Variants in DAB2 observed in about 807,000 individuals in gnomAD.
DAB2 encodes the protein disabled homolog 2.
In DAB2, 28 loss-of-function variants were observed where a neutral mutation model predicts 71.6. The ratio of observed to expected loss-of-function variants is 0.39; its 90% confidence interval spans 0.29 to 0.54. The LOEUF (loss-of-function observed/expected upper bound fraction) is 0.54. DAB2 is among the 20% of genes least tolerant of loss of function. The pLI is 0.68. For missense variants in DAB2, 867 were observed against 928.8 expected (o/e 0.93, Z 0.86); for synonymous variants, 345 against 339.7 (o/e 1.02, Z -0.17).
At chr5:39,385,895 A>G (rs1177558441) in intron 9 of DAB2, among the ~76,000 whole-genome samples, 1 of 152,082 alleles carries the variant, frequency 6.6e-6, no homozygotes, top group Non-Finnish European at 1.5e-5. Context: ...TTTCCTACAC[A>G]CTTCAAAGAC....
chr5:39,389,333 G>A (rs1035886369), intron 6 of DAB2, among the ~76,000 whole-genome samples: 4 of 151,910 alleles, frequency 2.6e-5, no homozygotes, highest in African/African-American at 9.7e-5. Flanking sequence ...ATATTTCCTA[G>A]AATTAATATG....
chr5:39,376,515 TA>T, intron 12 of DAB2, 134 bp downstream of exon 12: 1 of 1,052,652 alleles, frequency 9.5e-7, no homozygotes, highest in Non-Finnish European at 1.4e-6. Flanking sequence ...GTTGTCTCCG[TA>T]ACCCTTGATT....
intron 11 of DAB2, among the ~76,000 whole-genome samples, chr5:39,381,020 G>T (rs944403716): frequency 6.6e-6 from 1 of 152,122 alleles, no homozygotes; most frequent in African/African-American, 2.4e-5. Context: ...TCCTTCTTGG[G>T]CATATATTCC....
intron 10 of DAB2, among the ~76,000 whole-genome samples, 171 bp from the exon 11 acceptor site, chr5:39,381,787 A>G (rs1388330251): frequency 6.6e-6 from 1 of 152,222 alleles, no homozygotes; most frequent in Admixed American, 6.5e-5. Context: ...CCTCCAAAAA[A>G]AGACACAGAT....
rs1754800615 is a variant in DAB2 at position 39,375,354 on chromosome 5, A to T, written c.2248-270T>A. ...CACAGGCTATAGAAATATTGTTGGA[A>T]AATTAAGAACTTAAATTTTTGAAAG... is the stretch of plus-strand genomic sequence containing the variant. On this transcript the variant is annotated intron_variant, in intron 13 of 14. Coordinates refer to ENST00000320816, the MANE Select transcript of DAB2 (RefSeq NM_001343.4). 2.0e-5 allele frequency among the ~76,000 whole-genome samples: 3 copies of T among 152,192 alleles called. No individual in the cohort carries two copies. In the South Asian group the frequency reaches 6.2e-4, roughly 31 times the overall value.
chr5:39,403,716 A>ATTTTTTTTTTTTTT (rs60449035), intron 1 of DAB2, among the ~76,000 whole-genome samples: 1 of 135,298 alleles, frequency 7.4e-6, no homozygotes, highest in Non-Finnish European at 1.6e-5. Flanking sequence ...TTTTTTTGGA[A>ATTTTTTTTTTTTTT]TTTTTTTTTT....
Position 39,376,904 on chromosome 5 carries a change from G to C in DAB2, c.1883C>G (p.Pro628Arg). ...GGCATCACTGGAGATGTCCTTGGGA[G>C]GGCCAGCTCTGGGAGGTGGCTGAGG... ...TPPQPPPRAG[P>R]PKDISSDAFT... The change falls in exon 12 of 15, where the codon CCT (proline) becomes CGT (arginine). Residue 628 changes from proline (P) to arginine (R), a missense_variant. Pro to Arg is a moderately radical substitution (Grantham distance 103). Around this residue, in one of 2 missense-constraint regions of DAB2, gnomAD observed 740 missense variants for 734.3 expected, o/e 1.01. Transcript: ENST00000320816. 1 of 1,614,144 alleles carries C rather than the reference G, an allele frequency of 6.2e-7. No individual in the cohort carries two copies. The highest frequency in any genetic ancestry group is 8.5e-7 in the Non-Finnish European group (1 of 1,180,004).
At chr5:39,375,506 C>A (rs1754804554) in intron 13 of DAB2, among the ~76,000 whole-genome samples, 1 of 152,102 alleles carries the variant, frequency 6.6e-6, no homozygotes. Flanking sequence ...AGTTCTTGTG[C>A]AAATAATCTT....
intron 1 of DAB2, among the ~76,000 whole-genome samples, chr5:39,415,254 C>CA (rs780053663): frequency 7.2e-5 from 11 of 152,204 alleles, no homozygotes; most frequent in Admixed American, 2.0e-4. Context: ...AACCACGTTA[C>CA]AATCTGAAGG....
At chr5:39,379,066 A>G (rs938319055) in intron 11 of DAB2, among the ~76,000 whole-genome samples, 5 of 152,218 alleles carry the variant, frequency 3.3e-5, no homozygotes, top group African/African-American at 1.2e-4. Flanking sequence ...TTAGCTGTGC[A>G]AAAAGGAGGG....
At chr5:39,377,330 A>C in intron 11 of DAB2, 48 bp from the exon 12 acceptor site, 1 of 1,557,804 alleles carries the variant, frequency 6.4e-7, no homozygotes, top group Non-Finnish European at 8.7e-7. Flanking sequence ...AGCTTGAAGA[A>C]GATTCTTGAA....
At chr5:39,374,020 G>T (rs934311733) in intron 14 of DAB2, among the ~76,000 whole-genome samples, 1 of 152,112 alleles carries the variant, frequency 6.6e-6, no homozygotes, top group Admixed American at 6.5e-5. Context: ...GGTACTACAG[G>T]AAACACAGTC....
intron 1 of DAB2, among the ~76,000 whole-genome samples, chr5:39,403,715 A>ATTT (rs1302948065): frequency 7.9e-6 from 1 of 126,616 alleles, no homozygotes; most frequent in Non-Finnish European, 1.7e-5. Context: ...GTTTTTTTGG[A>ATTT]ATTTTTTTTT....
rs926714028 is a variant in DAB2 at position 39,388,188 on chromosome 5, G to A, written c.687+117C>T. 90 of 736,028 alleles carry A rather than the reference G, an allele frequency of 1.2e-4. No homozygotes were observed. The Middle Eastern group carries it at 1.5e-3, about 13-fold the overall frequency. 45.6% of individuals were successfully genotyped at this position (736,028 alleles called of 1,614,324 possible). A position where few individuals can be genotyped will look rare whatever the true frequency, so the allele number is the denominator to read the frequency against. On this transcript the variant is annotated intron_variant, in intron 9 of 14. Transcript: ENST00000320816. The stretch of plus-strand genomic sequence containing the variant: ...TCTAAAAACCATTGACACTTCATTT[G>A]CAAAAATCAACAGTCACCTTCCAAG...
At position 39,376,115 on chromosome 5, in the gene DAB2, T is replaced by C. The variant is rs758919999; in HGVS notation, c.2138-9A>G. On this transcript the variant is annotated splice_polypyrimidine_tract_variant and intron_variant, in intron 12 of 14. Transcript: ENST00000320816. ...AGCTGGCTTTGGTGGTTCTAGAAGG[T>C]AAAAAATCCAGGCAATCAGTAGACA... 2.4e-5 allele frequency: 39 copies of C among 1,609,730 alleles called. No individual in the cohort carries two copies. The East Asian group carries it at 3.3e-4, about 14-fold the overall frequency.
chr5:39,381,262 C>T, intron 11 of DAB2, among the ~76,000 whole-genome samples, 192 bp downstream of exon 11: 1 of 152,060 alleles, frequency 6.6e-6, no homozygotes, highest in East Asian at 1.9e-4. Context: ...CCTCGAGGAG[C>T]CAAATGTGAG....
At chr5:39,389,977 T>A (rs1290863046) in intron 5 of DAB2, 45 bp from the exon 6 acceptor site, 1 of 1,295,822 alleles carries the variant, frequency 7.7e-7, no homozygotes, top group African/African-American at 1.5e-5. Context: ...AATTTTAGTA[T>A]TTTATTTCCT....
chr5:39,376,101 G>A lies in DAB2; in HGVS notation c.2143C>T (p.Pro715Ser). 1.2e-6 allele frequency: 2 copies of A among 1,613,708 alleles called. No homozygotes were observed. The highest frequency in any genetic ancestry group is 1.3e-5 in the African/African-American group (1 of 74,998). Residue 715 changes from proline (P) to serine (S), a missense_variant, in exon 13 of 15, where the codon CCA (proline) becomes TCA (serine). Physicochemically the swap from Pro to Ser is moderately conservative, Grantham distance 74. Coordinates refer to ENST00000320816, the MANE Select transcript of DAB2 (RefSeq NM_001343.4). Reference protein sequence around the residue: ...NQLLNKINEPPKPAPRQVSLP... With the variant: ...NQLLNKINEPSKPAPRQVSLP... ...GAAACTTGTCTGGGAGCTGGCTTTG[G>A]TGGTTCTAGAAGGTAAAAAATCCAG...
intron 1 of DAB2, among the ~76,000 whole-genome samples, chr5:39,416,779 A>G (rs771628247): frequency 2.6e-5 from 4 of 152,218 alleles, no homozygotes; most frequent in Middle Eastern, 3.4e-3. Context: ...TCTCAATTCA[A>G]TAAAGCTTTT....
Sources: gnomAD v4.1 joint callset for allele counts (sites outside exome capture counted in the v4.1 genomes callset) on GRCh38, gnomAD v4.1.1 for gene constraint, gnomAD v4.1.1 regional missense constraint, MANE v1.5 for transcripts, NCBI Gene and HGNC (gene_info 2026-07-23, HGNC 2026-07-21) for gene names.